OTUD3: variants seen among roughly 807,000 people sequenced by gnomAD.
OTUD3 encodes OTU domain-containing protein 3.
Under a neutral mutation model 46.2 loss-of-function variants are expected in OTUD3, and 24 were observed. The ratio of observed to expected loss-of-function variants is 0.52; its 90% confidence interval spans 0.38 to 0.73. The LOEUF is 0.73. Among genes scored for constraint, OTUD3 ranks in the 30% least tolerant of loss-of-function variants. OTUD3 has a pLI of 0.00. For synonymous variants in OTUD3, 189 were observed against 195.4 expected, an observed-to-expected ratio of 0.97 and a Z score of 0.27; for missense variants, 455 against 523.3, an observed-to-expected ratio of 0.87 and a Z score of 1.27.
At chr1:19,888,260 G>C (rs1306495194) in intron 1 of OTUD3, among the ~76,000 whole-genome samples, 1 of 152,200 alleles carries the variant, frequency 6.6e-6, no homozygotes. Context: ...TGTGGAGATT[G>C]AGAAGCCCTG....
chr1:19,902,558 C>T (rs530717025), intron 4 of OTUD3, among the ~76,000 whole-genome samples: 1 of 152,166 alleles, frequency 6.6e-6, no homozygotes, highest in South Asian at 2.1e-4. Context: ...CATTGAACAT[C>T]TTTTCATGTG....
At chr1:19,889,888 T>C in intron 1 of OTUD3, among the ~76,000 whole-genome samples, 1 of 152,224 alleles carries the variant, frequency 6.6e-6, no homozygotes, top group East Asian at 1.9e-4. Context: ...GTTGTTAGTA[T>C]TGGCAGCTTG....
intron 4 of OTUD3, among the ~76,000 whole-genome samples, chr1:19,903,614 T>TA (rs1263897088): frequency 3.3e-5 from 5 of 152,230 alleles, no homozygotes; most frequent in African/African-American, 1.2e-4. Flanking sequence ...GTTGAGCATC[T>TA]ACAGAGGGAT....
chr1:19,896,907 C>T (rs1370183553), intron 3 of OTUD3, among the ~76,000 whole-genome samples: 2 of 152,024 alleles, frequency 1.3e-5, no homozygotes, highest in African/African-American at 2.4e-5. Context: ...CGCTACAGGC[C>T]GTACTACTTT....
intron 4 of OTUD3, among the ~76,000 whole-genome samples, chr1:19,898,012 C>T (rs2045539487): frequency 1.3e-5 from 2 of 149,630 alleles, no homozygotes; most frequent in South Asian, 2.1e-4. Context: ...TGCAGTGGTG[C>T]GATCTCGGCT....
In OTUD3 at chr1:19,909,979, A is replaced by G. The variant is rs1194508329; in HGVS notation, c.*2233A>G. 1 of 152,344 alleles carries G rather than the reference A, an allele frequency of 6.6e-6. No individual in the cohort carries two copies. The highest frequency in any genetic ancestry group is 6.5e-5 in the Admixed American group (1 of 15,280). The allele number at this position is 152,344 out of a possible 1,614,324, so 9.4% of individuals were successfully genotyped here. Reference sequence around the variant, plus strand: ...TCTGTTTAGTGTGTTAATTATTAGGAATCGGGTACATGCATCCAACTTCAG... The same window carrying G: ...TCTGTTTAGTGTGTTAATTATTAGGGATCGGGTACATGCATCCAACTTCAG... On this transcript the variant is annotated 3_prime_UTR_variant, in exon 8 of 8. Coordinates refer to ENST00000375120, the MANE Select transcript of OTUD3 (RefSeq NM_015207.2).
intron 3 of OTUD3, among the ~76,000 whole-genome samples, chr1:19,895,656 G>A (rs892805964): frequency 2.6e-5 from 4 of 152,218 alleles, no homozygotes; most frequent in Non-Finnish European, 5.9e-5. Flanking sequence ...GTATCTGCTT[G>A]TGTTCTTTGG....
chr1:19,911,182 G>A lies in OTUD3; in HGVS notation c.*3436G>A, dbSNP rs371070980. 2.0e-5 allele frequency: 3 copies of A among 152,144 alleles called. No homozygotes were observed. Among genetic ancestry groups the A allele is most frequent in the East Asian group, 1.9e-4 (1 of 5,314 alleles). The allele number at this position is 152,144 out of a possible 1,614,324, so 9.4% of individuals were successfully genotyped here. On this transcript the variant is annotated 3_prime_UTR_variant, in exon 8 of 8. Coordinates refer to ENST00000375120, the MANE Select transcript of OTUD3 (RefSeq NM_015207.2). Reference sequence around the variant, plus strand: ...TTCGACTCCCGTTTTGGGTAGATGCGTAGCTCTTCACTTTCTTACCTCAAG... The same window carrying A: ...TTCGACTCCCGTTTTGGGTAGATGCATAGCTCTTCACTTTCTTACCTCAAG...
rs2045721823 is a variant in OTUD3, at chr1:19,910,582, A to G, written c.*2836A>G. The G allele has an allele frequency of 6.6e-6, 1 of 152,388 alleles. No individual in the cohort carries two copies. Among genetic ancestry groups the G allele is most frequent in the East Asian group, 1.9e-4 (1 of 5,340 alleles). 9.4% of individuals were successfully genotyped at this position (152,388 alleles called of 1,614,324 possible). On this transcript the variant is annotated 3_prime_UTR_variant, in exon 8 of 8. Transcript: ENST00000375120. ...ATAATGAACATACACTTTCAGGAGC[A>G]AAGTATGGTTGAGAAATTGTGGCAG...
chr1:19,895,649 T>C (rs2045508563), intron 3 of OTUD3, among the ~76,000 whole-genome samples: 3 of 152,246 alleles, frequency 2.0e-5, no homozygotes, highest in Admixed American at 2.0e-4. Context: ...TGAAACAGTA[T>C]CTGCTTGTGT....
chr1:19,887,021 C>T (rs1456676961), intron 1 of OTUD3, among the ~76,000 whole-genome samples: 1 of 151,482 alleles, frequency 6.6e-6, no homozygotes, highest in East Asian at 1.9e-4. Flanking sequence ...ATCTAAAATA[C>T]TATTTTGACA....
In OTUD3 at chr1:19,909,610, G is replaced by A. The variant is rs2045708944; in HGVS notation, c.*1864G>A. The A allele has an allele frequency of 6.6e-6, 1 of 152,358 alleles. No homozygotes were observed. Among genetic ancestry groups the A allele is most frequent in the Non-Finnish European group, 1.5e-5 (1 of 68,060 alleles). 9.4% of individuals were successfully genotyped at this position (152,358 alleles called of 1,614,324 possible). On this transcript the variant is annotated 3_prime_UTR_variant, in exon 8 of 8. Transcript: ENST00000375120. ...TCTGAATGAAGATGTTTTCCTGTCT[G>A]TTTTGTACTGCTTGAGTGCAGAGGC...
At chr1:19,885,539 T>G (rs917640633) in intron 1 of OTUD3, among the ~76,000 whole-genome samples, 1 of 152,184 alleles carries the variant, frequency 6.6e-6, no homozygotes, top group Non-Finnish European at 1.5e-5. Flanking sequence ...CTGCAATCTC[T>G]GCCTCCTGGG....
At chr1:19,905,709 C>G (rs1571184237) in intron 6 of OTUD3, among the ~76,000 whole-genome samples, 1 of 152,184 alleles carries the variant, frequency 6.6e-6, no homozygotes, top group Non-Finnish European at 1.5e-5. Context: ...CCATTGCACT[C>G]CAGCCTGGGC....
At chr1:19,882,772 G>A (rs750128808) in intron 1 of OTUD3, 38 bp downstream of exon 1, 2 of 1,272,870 alleles carry the variant, frequency 1.6e-6, no homozygotes, top group Non-Finnish European at 2.0e-6. Flanking sequence ...GGCGCCGGGG[G>A]ACGCGCCGGG....
intron 4 of OTUD3, among the ~76,000 whole-genome samples, chr1:19,901,508 T>C (rs2045589282): frequency 6.6e-6 from 1 of 152,246 alleles, no homozygotes; most frequent in African/African-American, 2.4e-5. Flanking sequence ...CCTCTTTTTT[T>C]AAAAGTTAAG....
At position 19,909,949 on chromosome 1, in the gene OTUD3, G is replaced by A. The variant is rs1263547728; in HGVS notation, c.*2203G>A. 1 of 152,342 alleles carries A rather than the reference G, an allele frequency of 6.6e-6. No individual in the cohort carries two copies. The highest frequency in any genetic ancestry group is 1.5e-5 in the Non-Finnish European group (1 of 68,026). 9.4% of individuals were successfully genotyped at this position (152,342 alleles called of 1,614,324 possible). A position where few individuals can be genotyped will look rare whatever the true frequency, so the allele number is the denominator to read the frequency against. On this transcript the variant is annotated 3_prime_UTR_variant, in exon 8 of 8. Transcript: ENST00000375120. ...CTGGTTTCACAGCTTTTCAGTTACA[G>A]TTGGTCTGTTTAGTGTGTTAATTAT...
At chr1:19,885,840 CGTT>C (rs1355287819) in intron 1 of OTUD3, among the ~76,000 whole-genome samples, 2 of 152,164 alleles carry the variant, frequency 1.3e-5, no homozygotes, top group Non-Finnish European at 2.9e-5. Flanking sequence ...ACATCTCTAG[CGTT>C]CCCTGTTTTC....
intron 3 of OTUD3, among the ~76,000 whole-genome samples, 185 bp from the exon 4 acceptor site, chr1:19,897,355 C>T (rs75223252): frequency 1.4e-3 from 219 of 152,280 alleles, no homozygotes; most frequent in African/African-American, 5.0e-3. Flanking sequence ...AATAAGCATA[C>T]GGAAGCATAC....
Sources: gnomAD v4.1 joint callset for allele counts (sites outside exome capture counted in the v4.1 genomes callset) on GRCh38, gnomAD v4.1.1 for gene constraint, MANE v1.5 for transcripts, NCBI Gene and HGNC (gene_info 2026-07-23, HGNC 2026-07-21) for gene names.